The following NEU2 variants were observed in gnomAD, a reference collection of about 807,000 sequenced individuals.
NEU2 encodes sialidase-2.
NEU2 carries 7 observed loss-of-function variants against 6.3 expected under a neutral mutation model. That is an observed-to-expected ratio of 1.12 (90% confidence interval 0.63 to 2.10). The LOEUF (loss-of-function observed/expected upper bound fraction) is 2.10. Among genes scored for constraint, NEU2 ranks in the 30% most tolerant of loss-of-function variants. The pLI, the probability that NEU2 is intolerant of heterozygous loss-of-function variation, is 0.00. For synonymous variants in NEU2, 208 were observed against 223.3 expected (o/e 0.93, Z 0.61); for missense variants, 509 against 504.0 (o/e 1.01, Z -0.09).
chr2:233,034,592 TGG>T lies in NEU2; in HGVS notation c.681_682del (p.Glu228AlafsTer23). On this transcript the variant is annotated frameshift_variant, in exon 2 of 2. Transcript: ENST00000233840. LOFTEE classifies it low-confidence loss of function (END_TRUNC). The surrounding 1 kb of genome is among the most constrained non-coding windows in gnomAD (Gnocchi z 4.8). ...AGTGCCAGGTGGCCGAAGTCGAGAC[TGG>T]GGAGCAGAGGGTGGTGACCCTCAAC... ...LECQVAEVET[G>X]EQRVVTLNAR... is the part of the protein sequence containing the mutation. The T allele has an allele frequency of 6.2e-7, 1 of 1,613,802 alleles. No individual in the cohort carries two copies. Among genetic ancestry groups the T allele is most frequent in the South Asian group, 1.1e-5 (1 of 91,016 alleles).
intron 1 of NEU2, among the ~76,000 whole-genome samples, chr2:233,033,307 T>G (rs1450086505): frequency 1.3e-5 from 2 of 152,180 alleles, no homozygotes; most frequent in Admixed American, 1.3e-4. Context: ...TTTAATATTA[T>G]TATCATTCCT....
intron 1 of NEU2, among the ~76,000 whole-genome samples, chr2:233,033,392 G>A (rs528835421): frequency 5.9e-5 from 9 of 152,166 alleles, no homozygotes; most frequent in African/African-American, 1.2e-4. Flanking sequence ...TCCTGGTTCC[G>A]CCACTGACCA....
rs1464116631 is a variant in NEU2 at position 233,034,564 on chromosome 2, TG to T, written c.652del (p.Glu218SerfsTer15). Reference protein sequence around the residue: ...ARGHFVAQDTLECQVAEVETG... With the variant: ...ARGHFVAQDTXECQVAEVETG... ...GGGCACTTTGTGGCCCAGGACACCC[TG>T]GAGTGCCAGGTGGCCGAAGTCGAGA... On this transcript the variant is annotated frameshift_variant, in exon 2 of 2. Transcript: ENST00000233840. LOFTEE classifies it low-confidence loss of function (END_TRUNC). The surrounding 1 kb of genome is among the most constrained non-coding windows in gnomAD (Gnocchi z 4.8). 1 of 1,613,974 alleles carries T rather than the reference TG, an allele frequency of 6.2e-7. No individual in the cohort carries two copies. Among genetic ancestry groups the T allele is most frequent in the Non-Finnish European group, 8.5e-7 (1 of 1,179,968 alleles).
Position 233,034,729 on chromosome 2 carries a change from G to T in NEU2, c.815G>T (p.Cys272Phe). Reference protein sequence around the residue: ...KKLVEPPPQGCQGSVISFPSP... With the variant: ...KKLVEPPPQGFQGSVISFPSP... ...CTGGTGGAGCCGCCGCCCCAGGGCT[G>T]CCAGGGGAGCGTCATCAGCTTCCCC... Residue 272 changes from cysteine to phenylalanine, a missense_variant, in exon 2 of 2, where the codon TGC becomes TTC. Physicochemically the swap from Cys to Phe is radical, Grantham distance 205. Transcript: ENST00000233840. This position sits in a 1 kb window ranked among gnomAD's most constrained non-coding sequence, Gnocchi z 4.8. The T allele has an allele frequency of 6.5e-7, 1 of 1,541,900 alleles. No homozygotes were observed. Among genetic ancestry groups the T allele is most frequent in the South Asian group, 1.3e-5 (1 of 78,956 alleles).
rs2106359903 is a variant in NEU2, at chr2:233,034,517, C to T, written c.603C>T (p.Asp201=). The T allele has an allele frequency of 6.2e-6, 10 of 1,614,142 alleles. No homozygotes were observed. The highest frequency in any genetic ancestry group is 8.5e-6 in the Non-Finnish European group (10 of 1,179,988). Residue 201 remains aspartate (D), a synonymous_variant, in exon 2 of 2, where the codon GAC becomes GAT. Transcript: ENST00000233840. This position sits in a 1 kb window ranked among gnomAD's most constrained non-coding sequence, Gnocchi z 4.8. ...IPSAFCFLSH[D]HGRTWARGHF... ...CTGCCTTCTGCTTCCTCAGCCATGA[C>T]CATGGGCGCACGTGGGCGCGAGGGC...
chr2:233,034,656 A>G lies in NEU2; in HGVS notation c.742A>G (p.Ser248Gly), dbSNP rs891487596. The G allele has an allele frequency of 6.3e-7, 1 of 1,585,222 alleles. No homozygotes were observed. Among genetic ancestry groups the G allele is most frequent in the East Asian group, 2.2e-5 (1 of 44,450 alleles). The change falls in exon 2 of 2, where the codon AGC (serine) becomes GGC (glycine). Residue 248 changes from serine to glycine, a missense_variant. By Grantham distance (56) the Ser-to-Gly change is moderately conservative. Coordinates refer to ENST00000233840, the MANE Select transcript of NEU2 (RefSeq NM_005383.2). The surrounding 1 kb of genome is among the most constrained non-coding windows in gnomAD (Gnocchi z 4.8). ...CCTCCGAGCCAGGGTCCAGGCCCAG[A>G]GCACCAATGACGGGCTTGATTTCCA... ...SHLRARVQAQ[S>G]TNDGLDFQES...
chr2:233,034,673 T>C lies in NEU2; in HGVS notation c.759T>C (p.Leu253=), dbSNP rs754742680. ...RVQAQSTNDG[L]DFQESQLVKK... ...AGGCCCAGAGCACCAATGACGGGCT[T>C]GATTTCCAGGAGTCTCAGCTGGTGA... Residue 253 remains leucine (L), a synonymous_variant, in exon 2 of 2, where the codon CTT becomes CTC. Transcript: ENST00000233840. The surrounding 1 kb of genome is among the most constrained non-coding windows in gnomAD (Gnocchi z 4.8). 1 of 1,565,468 alleles carries C rather than the reference T, an allele frequency of 6.4e-7. No individual in the cohort carries two copies. Among genetic ancestry groups the C allele is most frequent in the Non-Finnish European group, 8.7e-7 (1 of 1,152,816 alleles).
At position 233,034,564 on chromosome 2, in the gene NEU2, T is replaced by C; in HGVS notation, c.650T>C (p.Leu217Pro). 1.9e-6 allele frequency: 3 copies of C among 1,614,092 alleles called. No homozygotes were observed. The Middle Eastern group carries it at 4.9e-4, about 266-fold the overall frequency. Residue 217 changes from leucine (L) to proline (P), a missense_variant, in exon 2 of 2, where the codon CTG becomes CCG. Transcript: ENST00000233840. This position sits in a 1 kb window ranked among gnomAD's most constrained non-coding sequence, Gnocchi z 4.8. ...ARGHFVAQDT[L>P]ECQVAEVETG... ...GGGCACTTTGTGGCCCAGGACACCC[T>C]GGAGTGCCAGGTGGCCGAAGTCGAG... is the stretch of plus-strand genomic sequence containing the variant.
intron 1 of NEU2, among the ~76,000 whole-genome samples, chr2:233,033,246 ATAAT>A (rs756429196): frequency 2.0e-5 from 3 of 152,182 alleles, no homozygotes; most frequent in Non-Finnish European, 4.4e-5. Flanking sequence ...TATAGATTAA[ATAAT>A]TAATCCTGAT....
Position 233,032,873 on chromosome 2 carries a change from G to T in NEU2, c.201+1G>T. 6.3e-7 allele frequency: 1 copy of T among 1,589,672 alleles called. No homozygotes were observed. Among genetic ancestry groups the T allele is most frequent in the Non-Finnish European group, 8.6e-7 (1 of 1,168,170 alleles). On this transcript the variant is annotated splice_donor_variant, in intron 1 of 1. Transcript: ENST00000233840. LOFTEE classifies it high-confidence loss of function. Reference sequence around the variant, plus strand: ...CGACGCACCCACCCACCAGGTTCAGGTGAGGCAGGAGGTGTCTGCACTGGC... The same window carrying T: ...CGACGCACCCACCCACCAGGTTCAGTTGAGGCAGGAGGTGTCTGCACTGGC...
At position 233,034,048 on chromosome 2, in the gene NEU2, T is replaced by C; in HGVS notation, c.202-68T>C. Reference sequence around the variant, plus strand: ...ACACACCCGTGCCCACCCCTCCCACTCATGCAGCTCCTGGCACCATCCCCA... The same window carrying C: ...ACACACCCGTGCCCACCCCTCCCACCCATGCAGCTCCTGGCACCATCCCCA... On this transcript the variant is annotated intron_variant, in intron 1 of 1. Transcript: ENST00000233840. This position sits in a 1 kb window ranked among gnomAD's most constrained non-coding sequence, Gnocchi z 4.8. 7.2e-7 allele frequency: 1 copy of C among 1,387,404 alleles called. No individual in the cohort carries two copies. Among genetic ancestry groups the C allele is most frequent in the Non-Finnish European group, 9.8e-7 (1 of 1,017,058 alleles). 85.9% of individuals were successfully genotyped at this position (1,387,404 alleles called of 1,614,324 possible). A position where few individuals can be genotyped will look rare whatever the true frequency, so the allele number is the denominator to read the frequency against.
At chr2:233,033,343 C>G (rs1340265282) in intron 1 of NEU2, among the ~76,000 whole-genome samples, 1 of 152,160 alleles carries the variant, frequency 6.6e-6, no homozygotes, top group Non-Finnish European at 1.5e-5. Flanking sequence ...CACAGCTGTT[C>G]AAAGCATGGG....
In NEU2 at chr2:233,034,796, C is replaced by T. The variant is rs771793566; in HGVS notation, c.882C>T (p.Leu294=). 7 of 1,568,896 alleles carry T rather than the reference C, an allele frequency of 4.5e-6. No individual in the cohort carries two copies. Among genetic ancestry groups the T allele is most frequent in the Non-Finnish European group, 6.1e-6 (7 of 1,156,994 alleles). Residue 294 remains leucine (L), a synonymous_variant, in exon 2 of 2, where the codon CTC becomes CTT. Coordinates refer to ENST00000233840, the MANE Select transcript of NEU2 (RefSeq NM_005383.2). This position sits in a 1 kb window ranked among gnomAD's most constrained non-coding sequence, Gnocchi z 4.8. ...SGPGSPAQWL[L]YTHPTHSWQR... ...CTGGCTCCCCAGCCCAGTGGCTGCT[C>T]TACACTCACCCCACACACTCCTGGC...
Position 233,034,113 on chromosome 2 carries a change from C to G in NEU2, c.202-3C>G. The G allele has an allele frequency of 6.2e-7, 1 of 1,604,950 alleles. No individual in the cohort carries two copies. The highest frequency in any genetic ancestry group is 8.5e-7 in the Non-Finnish European group (1 of 1,175,520). On this transcript the variant is annotated splice_polypyrimidine_tract_variant and splice_region_variant and intron_variant, in intron 1 of 1. Transcript: ENST00000233840. The surrounding 1 kb of genome is among the most constrained non-coding windows in gnomAD (Gnocchi z 4.8). ...GCCTTCTTCTTTCTCTCTCCCTACTCAGTGGCAAGCTCAGGAGGTGGTGGC... is the reference window on the plus strand; with the variant it reads ...GCCTTCTTCTTTCTCTCTCCCTACTGAGTGGCAAGCTCAGGAGGTGGTGGC...
intron 1 of NEU2, among the ~76,000 whole-genome samples, 188 bp downstream of exon 1, chr2:233,033,060 A>G (rs1690536945): frequency 6.6e-6 from 1 of 152,188 alleles, no homozygotes; most frequent in Admixed American, 6.5e-5. Flanking sequence ...GTTCACTGTG[A>G]ATTAGTCCAG....
intron 1 of NEU2, among the ~76,000 whole-genome samples, chr2:233,033,151 T>C (rs559180200): frequency 6.6e-6 from 1 of 152,292 alleles, no homozygotes; most frequent in African/African-American, 2.4e-5. Flanking sequence ...AGTTCAGTGT[T>C]GCATAATGGA....
In NEU2 at chr2:233,032,705, G is replaced by A. The variant is rs778630184; in HGVS notation, c.34G>A (p.Val12Met). 7.4e-6 allele frequency: 12 copies of A among 1,614,224 alleles called. No homozygotes were observed. The highest frequency in any genetic ancestry group is 2.2e-5 in the East Asian group (1 of 44,886). ...ASLPVLQKES[V>M]FQSGAHAYRI... is the part of the protein sequence containing the mutation. ...CCTTCCTGTCCTGCAGAAGGAGAGC[G>A]TGTTCCAGTCGGGAGCCCATGCCTA... Residue 12 changes from valine to methionine, a missense_variant, in exon 1 of 2, where the codon GTG becomes ATG. By Grantham distance (21) the Val-to-Met change is conservative. Coordinates refer to ENST00000233840, the MANE Select transcript of NEU2 (RefSeq NM_005383.2).
chr2:233,035,001 G>C lies in NEU2; in HGVS notation c.1087G>C (p.Val363Leu), dbSNP rs1394659179. The change falls in exon 2 of 2, where the codon GTC becomes CTC. Residue 363 changes from valine to leucine, a missense_variant. Physicochemically the swap from Val to Leu is conservative, Grantham distance 32 (BLOSUM62 1). Coordinates refer to ENST00000233840, the MANE Select transcript of NEU2 (RefSeq NM_005383.2). ...CGAAGCCAATGATTACGAGGAGATT[G>C]TCTTTCTCATGTTCACCCTGAAGCA... ...LYEANDYEEI[V>L]FLMFTLKQAF... 1.9e-6 allele frequency: 3 copies of C among 1,613,702 alleles called. No individual in the cohort carries two copies. The highest frequency in any genetic ancestry group is 2.5e-6 in the Non-Finnish European group (3 of 1,179,756).
rs756443884 is a variant in NEU2, at chr2:233,034,403, T to C, written c.489T>C (p.His163=). ...EWSTFAVGPG[H]CLQLHDRARS... ...CCACCTTTGCAGTGGGCCCGGGGCA[T>C]TGTTTGCAGCTTCACGACAGGGCCC... Residue 163 remains histidine, a synonymous_variant, in exon 2 of 2, where the codon CAT becomes CAC. Coordinates refer to ENST00000233840, the MANE Select transcript of NEU2 (RefSeq NM_005383.2). This position sits in a 1 kb window ranked among gnomAD's most constrained non-coding sequence, Gnocchi z 4.8. The C allele has an allele frequency of 2.5e-6, 4 of 1,613,880 alleles. No homozygotes were observed. In the East Asian group the frequency reaches 8.9e-5, roughly 36 times the overall value.
Sources: gnomAD v4.1 joint callset for allele counts (sites outside exome capture counted in the v4.1 genomes callset) on GRCh38, gnomAD v4.1.1 for gene constraint, Gnocchi (gnomAD v3.1) non-coding constraint, MANE v1.5 for transcripts, NCBI Gene and HGNC (gene_info 2026-07-23, HGNC 2026-07-21) for gene names.